Variants in MACROD2 observed in about 807,000 individuals in gnomAD.
MACROD2 encodes ADP-ribose glycohydrolase MACROD2.
Under a neutral mutation model 70.4 loss-of-function variants are expected in MACROD2, and 36 were observed. The observed-to-expected ratio is 0.51, with a 90% CI of 0.39 to 0.68. The LOEUF is 0.68. Among genes scored for constraint, MACROD2 ranks in the 30% least tolerant of loss-of-function variants. The probability of loss-of-function intolerance (pLI) is 0.00; values close to 1 mark genes in which losing one functional copy is unlikely to be tolerated. For missense variants in MACROD2, 496 were observed against 538.4 expected, an observed-to-expected ratio of 0.92 and a Z score of 0.78; for synonymous variants, 172 against 178.8, an observed-to-expected ratio of 0.96 and a Z score of 0.30.
intron 5 of MACROD2, among the ~76,000 whole-genome samples, chr20:14,763,886 A>G (rs1378465585): frequency 1.4e-4 from 21 of 152,044 alleles, no homozygotes; most frequent in Admixed American, 1.2e-3. Context: ...TCATTAATAG[A>G]TTTAGACTGT....
intron 8 of MACROD2, among the ~76,000 whole-genome samples, chr20:15,665,650 A>G (rs372000757): frequency 1.2e-4 from 19 of 152,310 alleles, no homozygotes; most frequent in African/African-American, 4.6e-4. Flanking sequence ...AGCAGAACAT[A>G]TATTTCAGTC....
chr20:14,570,284 T>G (rs1235263277), intron 4 of MACROD2, among the ~76,000 whole-genome samples: 1 of 152,034 alleles, frequency 6.6e-6, no homozygotes, highest in Non-Finnish European at 1.5e-5. Context: ...TTGTGTAAAC[T>G]TCAAAAGCAG....
rs138467125 is a variant in MACROD2 at position 15,451,593 on chromosome 20, G to A, written c.571+20158G>A. ...TCTGAGAGAAGACTAGCGGTAATTG[G>A]CAATCCAGTTCTCCATTTCCATTGT... On this transcript the variant is annotated intron_variant, in intron 7 of 17. Transcript: ENST00000684519. Among the ~76,000 whole-genome samples, 81 of 152,050 alleles carry A rather than the reference G, an allele frequency of 5.3e-4. 1 individual carries two copies. In the Middle Eastern group the frequency reaches 0.027, roughly 51 times the overall value.
intron 7 of MACROD2, among the ~76,000 whole-genome samples, chr20:15,479,304 G>A (rs1208271079): frequency 1.7e-5 from 2 of 118,244 alleles, no homozygotes; most frequent in Non-Finnish European, 3.2e-5. Context: ...ACGGAGTCTC[G>A]CTCTGTCGCC....
intron 8 of MACROD2, among the ~76,000 whole-genome samples, chr20:15,770,631 A>G (rs1480579222): frequency 1.3e-5 from 2 of 152,286 alleles, no homozygotes; most frequent in Admixed American, 6.5e-5. Context: ...ATAATGCTGC[A>G]TAACAGACCA....
intron 8 of MACROD2, among the ~76,000 whole-genome samples, chr20:15,846,700 C>G (rs1325077686): frequency 6.6e-6 from 1 of 152,000 alleles, no homozygotes; most frequent in Non-Finnish European, 1.5e-5. Context: ...GTCCTGTTAA[C>G]CAACTCACAC....
intron 3 of MACROD2, among the ~76,000 whole-genome samples, chr20:14,261,425 C>T (rs2082100074): frequency 6.6e-6 from 1 of 152,136 alleles, no homozygotes; most frequent in African/African-American, 2.4e-5. Context: ...TTTGAACTCA[C>T]TGAAAATATA....
At chr20:14,059,730 A>T (rs1174274149) in intron 2 of MACROD2, among the ~76,000 whole-genome samples, 3 of 152,228 alleles carry the variant, frequency 2.0e-5, no homozygotes, top group African/African-American at 7.2e-5. Flanking sequence ...GTCATGAACG[A>T]AACAGGATTT....
At position 15,955,247 on chromosome 20, in the gene MACROD2, C is replaced by A. The variant is rs114335467; in HGVS notation, c.908-12306C>A. 2.0e-3 allele frequency among the ~76,000 whole-genome samples: 302 copies of A among 152,226 alleles called. 1 individual carries two copies. Among genetic ancestry groups the A allele is most frequent in the African/African-American group, 7.0e-3 (289 of 41,546 alleles). On this transcript the variant is annotated intron_variant, in intron 12 of 17. Coordinates refer to ENST00000684519, the MANE Select transcript of MACROD2 (RefSeq NM_001351661.2). ...AACCCAATTGACTTAAATGATGGATCCATGACCCACTCATTAATTCGTTGC... is the reference window on the plus strand; with the variant it reads ...AACCCAATTGACTTAAATGATGGATACATGACCCACTCATTAATTCGTTGC...
chr20:14,405,455 A>AG (rs2083681692), intron 3 of MACROD2, among the ~76,000 whole-genome samples: 2 of 152,196 alleles, frequency 1.3e-5, no homozygotes, highest in African/African-American at 4.8e-5. Context: ...CCAGTCTGAA[A>AG]CAAAGAGGAT....
intron 6 of MACROD2, among the ~76,000 whole-genome samples, chr20:15,366,659 T>G (rs1600301137): frequency 6.6e-6 from 1 of 151,768 alleles, no homozygotes; most frequent in Non-Finnish European, 1.5e-5. Flanking sequence ...CAATCAATCC[T>G]CCTGCCTCAG....
At chr20:15,673,633 T>C (rs1232075233) in intron 8 of MACROD2, among the ~76,000 whole-genome samples, 2 of 152,148 alleles carry the variant, frequency 1.3e-5, no homozygotes, top group Non-Finnish European at 1.5e-5. Context: ...GGAAAGGAAA[T>C]AGGATATATT....
intron 8 of MACROD2, among the ~76,000 whole-genome samples, chr20:15,842,042 A>G (rs1358888992): frequency 6.6e-6 from 1 of 152,080 alleles, no homozygotes; most frequent in Non-Finnish European, 1.5e-5. Flanking sequence ...GACACTAGAC[A>G]CTATGGTCCC....
intron 8 of MACROD2, among the ~76,000 whole-genome samples, chr20:15,797,564 T>C (rs2063686472): frequency 6.6e-6 from 1 of 152,144 alleles, no homozygotes. Flanking sequence ...CTTAGATATA[T>C]CCCCAGCAGA....
intron 5 of MACROD2, among the ~76,000 whole-genome samples, chr20:15,178,618 T>A (rs1031127786): frequency 2.0e-5 from 3 of 152,218 alleles, no homozygotes; most frequent in African/African-American, 7.2e-5. Flanking sequence ...CTGATGTCTC[T>A]GCATGAGTCC....
intron 3 of MACROD2, among the ~76,000 whole-genome samples, chr20:14,307,748 A>T (rs1267153493): frequency 2.6e-5 from 4 of 151,918 alleles, no homozygotes; most frequent in South Asian, 2.1e-4. Context: ...AAGCAGACAA[A>T]TTTTTTCTAA....
chr20:16,021,747 C>T (rs1362422129), intron 15 of MACROD2, among the ~76,000 whole-genome samples: 1 of 152,138 alleles, frequency 6.6e-6, no homozygotes, highest in African/African-American at 2.4e-5. Flanking sequence ...AAATAACATG[C>T]CCAGAATCAC....
At chr20:15,909,819 G>A (rs1030577472) in intron 10 of MACROD2, among the ~76,000 whole-genome samples, 4 of 152,044 alleles carry the variant, frequency 2.6e-5, no homozygotes, top group African/African-American at 4.8e-5. Flanking sequence ...CACCGCGCCC[G>A]GCCGTAATAC....
chr20:15,157,038 C>A (rs2076311537), intron 5 of MACROD2, among the ~76,000 whole-genome samples: 1 of 152,218 alleles, frequency 6.6e-6, no homozygotes, highest in Non-Finnish European at 1.5e-5. Context: ...TTACTGTTAT[C>A]TTTCACCACT....
Sources: allele counts gnomAD v4.1 joint callset (sites outside exome capture counted in the v4.1 genomes callset), GRCh38; gene constraint gnomAD v4.1.1; transcripts MANE v1.5; gene names NCBI Gene and HGNC (gene_info 2026-07-23, HGNC 2026-07-21).